Variants in ZRANB3 observed in about 807,000 individuals in gnomAD.
ZRANB3 encodes the protein zinc finger RANBP2-type containing 3.
Under a neutral mutation model 133.8 loss-of-function variants are expected in ZRANB3, and 125 were observed. The ratio of observed to expected loss-of-function variants is 0.93; its 90% CI spans 0.81 to 1.08. The LOEUF is 1.08. Among genes scored for constraint, ZRANB3 ranks in the 50% least tolerant of loss-of-function variants. ZRANB3 has a pLI of 0.00. For synonymous variants in ZRANB3, 387 were observed against 432.7 expected (o/e 0.89, Z 1.31); for missense variants, 1,229 against 1,275.5 (o/e 0.96, Z 0.56).
rs975359947 is a variant in ZRANB3, at chr2:135,531,115, T to C, written c.-8+12A>G. ...AATACCCACTGAGGAGATCTGGTTG[T>C]CTTTTAAATACCTCGAGTCAGTAAA... is the stretch of plus-strand genomic sequence containing the variant. On this transcript the variant is annotated intron_variant, in intron 1 of 20. Coordinates refer to ENST00000264159, the MANE Select transcript of ZRANB3 (RefSeq NM_032143.4). 6.6e-5 allele frequency: 10 copies of C among 152,186 alleles called. No homozygotes were observed. Among genetic ancestry groups the C allele is most frequent in the African/African-American group, 2.4e-4 (10 of 41,444 alleles). The allele number at this position is 152,186 out of a possible 1,614,324, so 9.4% of individuals were successfully genotyped here.
chr2:135,489,197 A>C (rs1330863906), intron 2 of ZRANB3, among the ~76,000 whole-genome samples: 9 of 151,464 alleles, frequency 5.9e-5, no homozygotes, highest in Admixed American at 3.3e-4. Context: ...TAAGAAAAAC[A>C]GTTATGAAGC....
In ZRANB3 at chr2:135,271,782, G is replaced by A; in HGVS notation, c.1192C>T (p.Gln398Ter). 1 of 1,611,718 alleles carries A rather than the reference G, an allele frequency of 6.2e-7. No homozygotes were observed. The highest frequency in any genetic ancestry group is 8.5e-7 in the Non-Finnish European group (1 of 1,179,308). The change falls in exon 10 of 21, where the codon CAG (glutamine) becomes TAG (stop). Residue 398 changes from glutamine to a stop codon, truncating the protein, a stop_gained. Coordinates refer to ENST00000264159, the MANE Select transcript of ZRANB3 (RefSeq NM_032143.4). LOFTEE classifies it high-confidence loss of function. ...PDTRVAILSIQAAGQGLTFTA... is the reference protein window; with the variant it reads ...PDTRVAILSI Reference sequence around the variant, plus strand: ...AAATTTCTTACCTGGCCAGCAGCCTGAATGCTTAGGATAGCCACGCGAGTG... The same window carrying A: ...AAATTTCTTACCTGGCCAGCAGCCTAAATGCTTAGGATAGCCACGCGAGTG...
At chr2:135,221,477 T>A (rs1694551763) in intron 15 of ZRANB3, among the ~76,000 whole-genome samples, 1 of 152,080 alleles carries the variant, frequency 6.6e-6, no homozygotes, top group Non-Finnish European at 1.5e-5. Context: ...GTTCTCTCCG[T>A]CTCCACCCCA....
At chr2:135,420,375 C>T (rs577348658) in intron 2 of ZRANB3, among the ~76,000 whole-genome samples, 1 of 152,060 alleles carries the variant, frequency 6.6e-6, no homozygotes, top group African/African-American at 2.4e-5. Flanking sequence ...TTTTAGACAT[C>T]ACCGTGGCTG....
intron 2 of ZRANB3, among the ~76,000 whole-genome samples, chr2:135,479,218 G>A (rs547161769): frequency 9.9e-5 from 15 of 151,986 alleles, no homozygotes; most frequent in African/African-American, 3.1e-4. Context: ...GTTCACCAAC[G>A]CAACTTAATT....
At chr2:135,465,915 A>G (rs890871889) in intron 2 of ZRANB3, among the ~76,000 whole-genome samples, 2 of 152,234 alleles carry the variant, frequency 1.3e-5, no homozygotes, top group African/African-American at 2.4e-5. Flanking sequence ...AACACATGAA[A>G]AAAAGCTCAT....
intron 8 of ZRANB3, among the ~76,000 whole-genome samples, chr2:135,285,252 T>C (rs1681299307): frequency 6.6e-6 from 1 of 152,226 alleles, no homozygotes; most frequent in South Asian, 2.1e-4. Flanking sequence ...ATTATTTCCT[T>C]ATCTTTAATA....
chr2:135,217,559 T>C lies in ZRANB3; in HGVS notation c.2401A>G (p.Arg801Gly). 6.2e-7 allele frequency: 1 copy of C among 1,613,786 alleles called. No homozygotes were observed. The highest frequency in any genetic ancestry group is 1.1e-5 in the South Asian group (1 of 91,016). Residue 801 changes from arginine (R) to glycine (G), a missense_variant, in exon 17 of 21, where the codon AGG becomes GGG. Coordinates refer to ENST00000264159, the MANE Select transcript of ZRANB3 (RefSeq NM_032143.4). The part of the protein sequence containing the change: ...EWSSLTAMKQ[R>G]IIRKSGQLFC... ...AGCTGTCCACTTTTCCTGATTATCC[T>C]TTGCTTCATGGCAGTTAGACTACTC...
intron 12 of ZRANB3, among the ~76,000 whole-genome samples, chr2:135,236,897 A>G (rs1345843157): frequency 3.3e-5 from 5 of 152,238 alleles, no homozygotes; most frequent in Non-Finnish European, 7.3e-5. Context: ...CTTCATGTCT[A>G]AAACACCAAA....
At chr2:135,210,124 G>A (rs1694035566) in intron 17 of ZRANB3, among the ~76,000 whole-genome samples, 1 of 151,608 alleles carries the variant, frequency 6.6e-6, no homozygotes, top group Non-Finnish European at 1.5e-5. Context: ...TCATTTTATT[G>A]CATGTCTTCT....
chr2:135,364,921 C>T (rs1685860463), intron 3 of ZRANB3, among the ~76,000 whole-genome samples: 1 of 152,036 alleles, frequency 6.6e-6, no homozygotes, highest in Non-Finnish European at 1.5e-5. Context: ...TGGTGGCACA[C>T]ACCTGTAGCC....
At chr2:135,510,744 C>T (rs1004065469) in intron 1 of ZRANB3, 39 of 801,828 alleles carry the variant, frequency 4.9e-5, no homozygotes, top group African/African-American at 4.7e-4. Flanking sequence ...CACCTCTGAA[C>T]ATGATGGGCC....
chr2:135,423,154 C>G (rs1688932256), intron 2 of ZRANB3, among the ~76,000 whole-genome samples: 1 of 152,152 alleles, frequency 6.6e-6, no homozygotes, highest in Non-Finnish European at 1.5e-5. Flanking sequence ...CTCCCCTGGC[C>G]AGGCGCACTG....
rs74767478 is a variant in ZRANB3 at position 135,272,350 on chromosome 2, C to T, written c.1087-463G>A. Among the ~76,000 whole-genome samples, 452 of 150,022 alleles carry T rather than the reference C, an allele frequency of 3.0e-3. 2 individuals are homozygous for T. The highest frequency in any genetic ancestry group is 0.011 in the African/African-American group (428 of 40,542). ...GAAAGATGATTCTGCCCACAAATCA[C>T]GGATTCATGAAGAGTAGTACATTTA... On this transcript the variant is annotated intron_variant, in intron 9 of 20. Transcript: ENST00000264159.
intron 8 of ZRANB3, among the ~76,000 whole-genome samples, chr2:135,285,490 GGGAATATTGCAGT>G (rs1360357196): frequency 1.3e-5 from 2 of 152,184 alleles, no homozygotes; most frequent in Non-Finnish European, 2.9e-5. Context: ...CTGTGCAGCA[GGGAATATTGCAGT>G]GGCCTCATTA....
chr2:135,359,843 T>G (rs551528125), intron 3 of ZRANB3, among the ~76,000 whole-genome samples: 1 of 152,318 alleles, frequency 6.6e-6, no homozygotes, highest in African/African-American at 2.4e-5. Flanking sequence ...ATTAGAAAGA[T>G]ATTTATCAAT....
At chr2:135,249,867 G>C (rs187595128) in intron 12 of ZRANB3, among the ~76,000 whole-genome samples, 10 of 152,290 alleles carry the variant, frequency 6.6e-5, no homozygotes, top group Admixed American at 2.6e-4. Flanking sequence ...TTTATCTGCA[G>C]CATGAAAATG....
At chr2:135,271,481 G>T (rs959559650) in intron 10 of ZRANB3, 1 of 486,714 alleles carries the variant, frequency 2.1e-6, no homozygotes, top group Admixed American at 3.0e-5. Context: ...AAGGAAAAAA[G>T]GTCAGGCAAA....
At chr2:135,485,188 CAT>C (rs1692051570) in intron 2 of ZRANB3, among the ~76,000 whole-genome samples, 1 of 144,632 alleles carries the variant, frequency 6.9e-6, no homozygotes, top group Admixed American at 7.0e-5. Flanking sequence ...CAAAACAAAA[CAT>C]AACATAACAT....
Sources: allele counts gnomAD v4.1 joint callset (sites outside exome capture counted in the v4.1 genomes callset), GRCh38; gene constraint gnomAD v4.1.1; transcripts MANE v1.5; gene names NCBI Gene and HGNC (gene_info 2026-07-23, HGNC 2026-07-21).